Variants in ATF7IP observed in about 807,000 individuals in gnomAD.
ATF7IP encodes activating transcription factor 7-interacting protein 1.
A neutral mutation model predicts 106.4 loss-of-function variants in ATF7IP; 23 were observed. The ratio of observed to expected loss-of-function variants is 0.22; its 90% confidence interval spans 0.16 to 0.31. The LOEUF (loss-of-function observed/expected upper bound fraction) is 0.31. Ranked by LOEUF, ATF7IP falls within the 10% of genes least tolerant of loss-of-function variation. The probability of loss-of-function intolerance (pLI) is 1.00; values close to 1 mark genes in which losing one functional copy is unlikely to be tolerated. For synonymous variants in ATF7IP, 542 were observed against 539.0 expected, an observed-to-expected ratio of 1.01 and a Z score of -0.08; for missense variants, 1,334 against 1,524.3, an observed-to-expected ratio of 0.88 and a Z score of 2.08.
At chr12:14,472,686 C>T (rs754833908) in intron 10 of ATF7IP, among the ~76,000 whole-genome samples, 1 of 152,168 alleles carries the variant, frequency 6.6e-6, no homozygotes, top group Non-Finnish European at 1.5e-5. Flanking sequence ...TGATTTTCCT[C>T]TACATCTCTT....
At chr12:14,396,378 AT>A (rs1365230892) in intron 1 of ATF7IP, among the ~76,000 whole-genome samples, 2 of 152,044 alleles carry the variant, frequency 1.3e-5, no homozygotes, top group East Asian at 3.9e-4. Flanking sequence ...AGCCATACTC[AT>A]GTTTCAGGGG....
At chr12:14,418,523 T>C (rs1941322161) in intron 1 of ATF7IP, among the ~76,000 whole-genome samples, 1 of 152,200 alleles carries the variant, frequency 6.6e-6, no homozygotes, top group African/African-American at 2.4e-5. Context: ...AGTACTAAAA[T>C]GATCCTTGGA....
chr12:14,458,849 A>G (rs990945608), intron 8 of ATF7IP, among the ~76,000 whole-genome samples: 3 of 152,064 alleles, frequency 2.0e-5, no homozygotes, highest in Non-Finnish European at 2.9e-5. Context: ...CCATTCCTCT[A>G]TCTTGCACTT....
chr12:14,444,880 A>G (rs1460122270), intron 5 of ATF7IP, among the ~76,000 whole-genome samples: 3 of 152,058 alleles, frequency 2.0e-5, no homozygotes, highest in Non-Finnish European at 2.9e-5. Context: ...CTTGGAATGT[A>G]TAGATCTTTT....
intron 9 of ATF7IP, 80 bp downstream of exon 9, chr12:14,461,213 TG>T: frequency 7.7e-7 from 1 of 1,304,384 alleles, no homozygotes; most frequent in Non-Finnish European, 1.1e-6. Context: ...TTTTTCTAAG[TG>T]GCTAGCGTTA....
chr12:14,440,947 C>T (rs1221458115), intron 5 of ATF7IP, among the ~76,000 whole-genome samples: 1 of 152,204 alleles, frequency 6.6e-6, no homozygotes, highest in African/African-American at 2.4e-5. Context: ...CATTATATGG[C>T]GGTATATGCC....
intron 6 of ATF7IP, among the ~76,000 whole-genome samples, chr12:14,449,059 T>C (rs1224991650): frequency 1.4e-5 from 2 of 138,854 alleles, no homozygotes; most frequent in Non-Finnish European, 3.4e-5. Flanking sequence ...ATATTGACTC[T>C]TATATAAATT....
rs1565523876 is a variant in ATF7IP, at chr12:14,452,214, C to CT, written c.1996-4344dup. On this transcript the variant is annotated intron_variant, in intron 6 of 14. Transcript: ENST00000261168. ...ATGGTAATATTTTTCCATCCTTTCACTTTCATTCTGTGTTGTATTTTGGAT... is the reference window on the plus strand; with the variant it reads ...ATGGTAATATTTTTCCATCCTTTCACTTTTCATTCTGTGTTGTATTTTGGAT... 1.2e-4 allele frequency among the ~76,000 whole-genome samples: 18 copies of CT among 152,242 alleles called. No homozygotes were observed. In the South Asian group the frequency reaches 3.7e-3, roughly 32 times the overall value.
At chr12:14,382,965 A>G (rs1939057333) in intron 1 of ATF7IP, among the ~76,000 whole-genome samples, 1 of 152,234 alleles carries the variant, frequency 6.6e-6, no homozygotes. Flanking sequence ...CAAGTAAACT[A>G]TAATAGGATA....
intron 1 of ATF7IP, among the ~76,000 whole-genome samples, chr12:14,388,819 T>C (rs1434927046): frequency 6.6e-6 from 1 of 152,170 alleles, no homozygotes; most frequent in African/African-American, 2.4e-5. Context: ...TTTGTGTTTT[T>C]AGTAGAGACG....
intron 2 of ATF7IP, among the ~76,000 whole-genome samples, chr12:14,432,198 C>T (rs1292919065): frequency 1.3e-5 from 2 of 152,110 alleles, no homozygotes; most frequent in African/African-American, 4.8e-5. Flanking sequence ...TAATTGGAGC[C>T]ATGGCTAATT....
rs752497083 is a variant in ATF7IP at position 14,502,293 on chromosome 12, A to G, written c.*4220A>G. On this transcript the variant is annotated 3_prime_UTR_variant, in exon 15 of 15. Transcript: ENST00000261168. ...TTTTTAACTTTTGGGACACACAAAA[A>G]TCAGCAATTCTCATGAAGCGTTTGT... The G allele has an allele frequency of 3.3e-5, 5 of 152,202 alleles. No homozygotes were observed. Among genetic ancestry groups the G allele is most frequent in the Non-Finnish European group, 7.3e-5 (5 of 68,036 alleles). 9.4% of individuals were successfully genotyped at this position (152,202 alleles called of 1,614,324 possible).
intron 1 of ATF7IP, among the ~76,000 whole-genome samples, chr12:14,369,536 C>G (rs1938448904): frequency 6.6e-6 from 1 of 152,198 alleles, no homozygotes; most frequent in East Asian, 1.9e-4. Flanking sequence ...CGGGGTTTCC[C>G]CGTGTTGGCC....
intron 10 of ATF7IP, among the ~76,000 whole-genome samples, chr12:14,475,196 A>G (rs557632153): frequency 6.6e-6 from 1 of 152,316 alleles, no homozygotes; most frequent in East Asian, 1.9e-4. Flanking sequence ...AATCCTCACA[A>G]TAGCCTCAAT....
In ATF7IP at chr12:14,456,050, A is replaced by G. The variant is rs548369004; in HGVS notation, c.1996-511A>G. Reference sequence around the variant, plus strand: ...GCTTAGATTTGTGACATTTTATTAAATAATTTAAGTCACATAGTGGTAGGT... The same window carrying G: ...GCTTAGATTTGTGACATTTTATTAAGTAATTTAAGTCACATAGTGGTAGGT... On this transcript the variant is annotated intron_variant, in intron 6 of 14. Coordinates refer to ENST00000261168, the MANE Select transcript of ATF7IP (RefSeq NM_018179.5). Among the ~76,000 whole-genome samples, 79 of 152,292 alleles carry G rather than the reference A, an allele frequency of 5.2e-4. 2 individuals carry two copies. In the South Asian group the frequency reaches 0.016, roughly 31 times the overall value.
chr12:14,412,825 C>T (rs1940995703), intron 1 of ATF7IP, among the ~76,000 whole-genome samples: 1 of 151,938 alleles, frequency 6.6e-6, no homozygotes, highest in South Asian at 2.1e-4. Context: ...ACCAGCCTGG[C>T]CAACATGGTG....
intron 5 of ATF7IP, among the ~76,000 whole-genome samples, chr12:14,446,064 A>G (rs1422067517): frequency 6.6e-6 from 1 of 151,812 alleles, no homozygotes; most frequent in Non-Finnish European, 1.5e-5. Flanking sequence ...AAAATATGTG[A>G]TCAGGGAGTT....
At chr12:14,481,243 G>T in intron 13 of ATF7IP, 58 bp downstream of exon 13, 1 of 1,582,604 alleles carries the variant, frequency 6.3e-7, no homozygotes. Context: ...TCAGCATTTA[G>T]TTGGAATGGC....
chr12:14,422,988 T>G (rs1193762933), intron 1 of ATF7IP, among the ~76,000 whole-genome samples: 1 of 152,186 alleles, frequency 6.6e-6, no homozygotes, highest in African/African-American at 2.4e-5. Flanking sequence ...CCAAAGCAGC[T>G]GCACCTATTT....
Sources: gnomAD v4.1 joint callset for allele counts (sites outside exome capture counted in the v4.1 genomes callset) on GRCh38, gnomAD v4.1.1 for gene constraint, MANE v1.5 for transcripts, NCBI Gene and HGNC (gene_info 2026-07-23, HGNC 2026-07-21) for gene names.